Variants in C11orf97 observed in about 807,000 individuals in gnomAD.
C11orf97 encodes chromosome 11 open reading frame 97, also known as uncharacterized protein C11orf97.
C11orf97 carries 15 observed loss-of-function variants against 16.2 expected under a neutral mutation model. The ratio of observed to expected loss-of-function variants is 0.93; its 90% CI spans 0.62 to 1.43. The LOEUF is 1.43. Ranked by LOEUF, C11orf97 falls within the 40% of genes most tolerant of loss-of-function variation. The probability of loss-of-function intolerance (pLI) is 0.00; values close to 1 mark genes in which losing one functional copy is unlikely to be tolerated. For missense variants in C11orf97, 171 were observed against 161.2 expected (o/e 1.06, Z -0.33); for synonymous variants, 61 against 65.7 (o/e 0.93, Z 0.34).
At chr11:94,521,671 C>T (rs1241934747) in intron 2 of C11orf97, among the ~76,000 whole-genome samples, 3 of 152,188 alleles carry the variant, frequency 2.0e-5, no homozygotes, top group Non-Finnish European at 4.4e-5. Context: ...ATTTTGCTTA[C>T]CCCAAATCCT....
At chr11:94,529,317 C>T (rs1162517028) in intron 3 of C11orf97, among the ~76,000 whole-genome samples, 2 of 151,902 alleles carry the variant, frequency 1.3e-5, no homozygotes, top group Non-Finnish European at 2.9e-5. Flanking sequence ...GGGATATGGA[C>T]TCAGTAAGGG....
In C11orf97 at chr11:94,524,402, A is replaced by C. The variant is rs115639925; in HGVS notation, c.251-3682A>C. 1.2e-3 allele frequency among the ~76,000 whole-genome samples: 186 copies of C among 152,178 alleles called. 1 individual carries two copies. The highest frequency in any genetic ancestry group is 4.3e-3 in the African/African-American group (177 of 41,524). On this transcript the variant is annotated intron_variant, in intron 2 of 3. Coordinates refer to ENST00000542198, the MANE Select transcript of C11orf97 (RefSeq NM_001190462.2). Reference sequence around the variant, plus strand: ...GGAGAGGAACAGAGATTTGAAATTGATTTAGTAGCAAGTAGTGTTCTATTC... The same window carrying C: ...GGAGAGGAACAGAGATTTGAAATTGCTTTAGTAGCAAGTAGTGTTCTATTC...
At chr11:94,516,686 G>A (rs565969098) in intron 1 of C11orf97, among the ~76,000 whole-genome samples, 49 of 152,220 alleles carry the variant, frequency 3.2e-4, no homozygotes, top group African/African-American at 1.1e-3. Flanking sequence ...AAAGGAGGGT[G>A]CCATGATAAA....
chr11:94,524,441 A>C (rs191033219), intron 2 of C11orf97, among the ~76,000 whole-genome samples: 1 of 152,244 alleles, frequency 6.6e-6, no homozygotes, highest in African/African-American at 2.4e-5. Context: ...TAAAAAAAAG[A>C]AATGTTACTA....
At position 94,512,648 on chromosome 11, in the gene C11orf97, C is replaced by T; in HGVS notation, c.120C>T (p.Arg40=). ...LGCGARGEPG[R]GPLEHGQQWK... is the part of the protein sequence containing the mutation. Reference sequence around the variant, plus strand: ...GCGGGGCGCGCGGGGAACCCGGCCGCGGCCCCCTAGAGCACGGCCAGCAGT... The same window carrying T: ...GCGGGGCGCGCGGGGAACCCGGCCGTGGCCCCCTAGAGCACGGCCAGCAGT... The change falls in exon 1 of 4, where the codon CGC becomes CGT. Residue 40 remains arginine (R), a synonymous_variant. Transcript: ENST00000542198. 1.6e-6 allele frequency: 2 copies of T among 1,250,316 alleles called. No individual in the cohort carries two copies. The highest frequency in any genetic ancestry group is 4.2e-5 in the Admixed American group (1 of 23,828). 77.5% of individuals were successfully genotyped at this position (1,250,316 alleles called of 1,614,324 possible).
intron 2 of C11orf97, among the ~76,000 whole-genome samples, chr11:94,523,361 A>G (rs1240355064): frequency 6.6e-6 from 1 of 152,198 alleles, no homozygotes; most frequent in Non-Finnish European, 1.5e-5. Context: ...GTTTGTTTGA[A>G]TTTTAAGACA....
rs1192216347 is a variant in C11orf97, at chr11:94,512,686, C to A, written c.145+13C>A. 11 of 1,236,544 alleles carry A rather than the reference C, an allele frequency of 8.9e-6. No homozygotes were observed. The highest frequency in any genetic ancestry group is 4.0e-6 in the Non-Finnish European group (4 of 989,994). 76.6% of individuals were successfully genotyped at this position (1,236,544 alleles called of 1,614,324 possible). A position where few individuals can be genotyped will look rare whatever the true frequency, so the allele number is the denominator to read the frequency against. ...CACGGCCAGCAGTGTGAGTTCAGCT[C>A]CAGCCGCGGACGCTACTGGGAGGAG... On this transcript the variant is annotated intron_variant, in intron 1 of 3. Coordinates refer to ENST00000542198, the MANE Select transcript of C11orf97 (RefSeq NM_001190462.2).
intron 3 of C11orf97, among the ~76,000 whole-genome samples, chr11:94,528,965 G>A (rs572322714): frequency 2.0e-5 from 3 of 152,202 alleles, no homozygotes; most frequent in Non-Finnish European, 4.4e-5. Flanking sequence ...ATATAGCATT[G>A]CTTATTCTAG....
At chr11:94,531,847 T>A in intron 3 of C11orf97, 49 bp from the exon 4 acceptor site, 1 of 1,365,366 alleles carries the variant, frequency 7.3e-7, no homozygotes, top group Non-Finnish European at 9.6e-7. Flanking sequence ...TTAAAGAGCA[T>A]CTCCCCGAAG....
chr11:94,514,033 C>T (rs1369295169), intron 1 of C11orf97, among the ~76,000 whole-genome samples: 1 of 152,190 alleles, frequency 6.6e-6, no homozygotes, highest in African/African-American at 2.4e-5. Flanking sequence ...TGGTCTTCAA[C>T]TCCTGGCCTC....
intron 3 of C11orf97, 145 bp from the exon 4 acceptor site, chr11:94,531,751 G>A: frequency 1.7e-6 from 1 of 575,652 alleles, no homozygotes; most frequent in South Asian, 3.7e-5. Flanking sequence ...GGCTTTTCTG[G>A]TTACTGGGAT....
Position 94,519,209 on chromosome 11 carries a change from C to T in C11orf97, c.250+1522C>T, listed in dbSNP as rs555191898. Among the ~76,000 whole-genome samples, 169 of 152,256 alleles carry T rather than the reference C, an allele frequency of 1.1e-3. 3 individuals are homozygous for T. The highest frequency in any genetic ancestry group is 4.1e-3 in the African/African-American group (169 of 41,572). ...AGGCATGAGCCACCACGCCCGGCCC[C>T]ACTTTACATTTCTAAAGCAGACATA... On this transcript the variant is annotated intron_variant, in intron 2 of 3. Coordinates refer to ENST00000542198, the MANE Select transcript of C11orf97 (RefSeq NM_001190462.2).
chr11:94,528,157 A>G lies in C11orf97; in HGVS notation c.324A>G (p.Arg108=), dbSNP rs1333233892. The stretch of plus-strand genomic sequence containing the variant: ...GCTTGAAGCCAGGACTGCCGAGCAG[A>G]AACAGTTTATTGCCACAAGCCAAGT... The part of the protein sequence containing the change: ...VGGLKPGLPS[R]NSLLPQAKYY... The change falls in exon 3 of 4, where the codon AGA becomes AGG. Residue 108 remains arginine (R), a synonymous_variant. Transcript: ENST00000542198. 2.0e-6 allele frequency: 3 copies of G among 1,535,920 alleles called. No homozygotes were observed. Among genetic ancestry groups the G allele is most frequent in the Non-Finnish European group, 2.6e-6 (3 of 1,146,842 alleles).
chr11:94,528,828 A>T (rs1234784252), intron 3 of C11orf97, among the ~76,000 whole-genome samples: 5 of 152,228 alleles, frequency 3.3e-5, no homozygotes, highest in African/African-American at 1.2e-4. Flanking sequence ...ATCTAGGGAC[A>T]TGCAGCTGTG....
At chr11:94,526,876 G>A (rs936292397) in intron 2 of C11orf97, among the ~76,000 whole-genome samples, 3 of 152,176 alleles carry the variant, frequency 2.0e-5, no homozygotes, top group African/African-American at 7.2e-5. Flanking sequence ...ACTCAGGAGT[G>A]GGAAAGGAGA....
At chr11:94,517,506 G>C in intron 1 of C11orf97, 77 bp from the exon 2 acceptor site, 1 of 759,232 alleles carries the variant, frequency 1.3e-6, no homozygotes, top group Non-Finnish European at 2.0e-6. Flanking sequence ...TAAAAAAATT[G>C]TTATCATGTA....
chr11:94,527,366 T>C (rs1375389040), intron 2 of C11orf97, among the ~76,000 whole-genome samples: 1 of 152,190 alleles, frequency 6.6e-6, no homozygotes, highest in Non-Finnish European at 1.5e-5. Context: ...CTTACTAGAC[T>C]TGAGTTGCAG....
chr11:94,512,838 A>G (rs2135175305), intron 1 of C11orf97, among the ~76,000 whole-genome samples, 165 bp downstream of exon 1: 1 of 152,284 alleles, frequency 6.6e-6, no homozygotes, highest in South Asian at 2.1e-4. Flanking sequence ...TGTGGCAGAA[A>G]GCATAGGTCC....
Position 94,528,151 on chromosome 11 carries a change from G to T in C11orf97, c.318G>T (p.Pro106=), listed in dbSNP as rs1404379219. ...TGGGAGGCTTGAAGCCAGGACTGCC[G>T]AGCAGAAACAGTTTATTGCCACAAG... The part of the protein sequence containing the change: ...LPVGGLKPGL[P]SRNSLLPQAK... Residue 106 remains proline, a synonymous_variant, in exon 3 of 4, where the codon CCG becomes CCT. Transcript: ENST00000542198. 6.5e-7 allele frequency: 1 copy of T among 1,535,982 alleles called. No homozygotes were observed. The highest frequency in any genetic ancestry group is 1.2e-5 in the South Asian group (1 of 84,040).
Sources: gnomAD v4.1 joint callset for allele counts (sites outside exome capture counted in the v4.1 genomes callset) on GRCh38, gnomAD v4.1.1 for gene constraint, MANE v1.5 for transcripts, NCBI Gene and HGNC (gene_info 2026-07-23, HGNC 2026-07-21) for gene names.